The following DLC1 variants were observed in gnomAD, a reference collection of about 807,000 sequenced individuals.
DLC1 encodes the protein rho GTPase-activating protein 7.
DLC1 carries 54 observed loss-of-function variants against 140.3 expected under a neutral mutation model. The observed-to-expected ratio is 0.38, with a 90% confidence interval of 0.31 to 0.48. The LOEUF (loss-of-function observed/expected upper bound fraction) is 0.48, where lower values mean the gene tolerates loss of function less well. DLC1 is among the 20% of genes least tolerant of loss of function. DLC1 has a pLI of 0.96. For synonymous variants in DLC1, 986 were observed against 728.1 expected (o/e 1.35, Z -5.70); for missense variants, 2,536 against 1,907.0 (o/e 1.33, Z -6.14).
At chr8:13,133,008 C>T (rs972424601) in intron 5 of DLC1, 10 of 1,606,526 alleles carry the variant, frequency 6.2e-6, no homozygotes, top group South Asian at 2.2e-5. Context: ...GGCGGAAGCG[C>T]TGTGGGGAAG....
intron 5 of DLC1, among the ~76,000 whole-genome samples, chr8:13,134,950 C>G (rs1822439246): frequency 6.6e-6 from 1 of 152,078 alleles, no homozygotes; most frequent in South Asian, 2.1e-4. Flanking sequence ...AGGCTACAGC[C>G]TGGTGGGAGG....
In DLC1 at chr8:13,298,087, A is replaced by T. The variant is rs564846142; in HGVS notation, c.1348+7182T>A. Among the ~76,000 whole-genome samples the T allele has an allele frequency of 2.0e-5, 3 of 152,324 alleles. No homozygotes were observed. In the South Asian group the frequency reaches 6.2e-4, roughly 32 times the overall value. On this transcript the variant is annotated intron_variant, in intron 5 of 17. Coordinates refer to ENST00000276297, the MANE Select transcript of DLC1 (RefSeq NM_182643.3). ...CTATTTTCTGTCTTATGACCACAAC[A>T]CAAAGTTTGGAGAGACCGTGACTCT...
chr8:13,374,744 T>C (rs144425714), intron 4 of DLC1, among the ~76,000 whole-genome samples: 2 of 152,288 alleles, frequency 1.3e-5, no homozygotes, highest in East Asian at 3.9e-4. Context: ...GTAGTGCCAT[T>C]GCACTCCAGT....
At chr8:13,186,052 C>T (rs1826352569) in intron 5 of DLC1, among the ~76,000 whole-genome samples, 2 of 152,138 alleles carry the variant, frequency 1.3e-5, no homozygotes, top group Admixed American at 1.3e-4. Flanking sequence ...TGTGGGCAAC[C>T]CGACCTTTCT....
intron 5 of DLC1, among the ~76,000 whole-genome samples, chr8:13,205,231 G>T (rs569994897): frequency 1.3e-5 from 2 of 152,170 alleles, no homozygotes; most frequent in East Asian, 3.8e-4. Flanking sequence ...CTAAGGCAGG[G>T]CTTCTGAAAA....
chr8:13,419,230 G>T (rs1470692713), intron 2 of DLC1, among the ~76,000 whole-genome samples: 1 of 151,802 alleles, frequency 6.6e-6, no homozygotes, highest in East Asian at 1.9e-4. Flanking sequence ...TAATTGCCCT[G>T]GCCAGAACTT....
chr8:13,212,535 G>A (rs1426009491), intron 5 of DLC1, among the ~76,000 whole-genome samples: 1 of 151,944 alleles, frequency 6.6e-6, no homozygotes, highest in Admixed American at 6.6e-5. Context: ...TACGGTTTTG[G>A]TATTGCTCTG....
chr8:13,252,941 C>T (rs775323024), intron 5 of DLC1, among the ~76,000 whole-genome samples: 11 of 152,152 alleles, frequency 7.2e-5, no homozygotes, highest in Non-Finnish European at 1.5e-4. Context: ...GAAAGCTAAT[C>T]CTACCCTTCT....
chr8:13,291,404 A>G (rs1295950044), intron 5 of DLC1, among the ~76,000 whole-genome samples: 2 of 152,204 alleles, frequency 1.3e-5, no homozygotes, highest in Non-Finnish European at 2.9e-5. Context: ...CTAATATGTA[A>G]ATTTATTTCT....
chr8:13,380,862 T>C (rs1476879057), intron 4 of DLC1, among the ~76,000 whole-genome samples: 1 of 152,138 alleles, frequency 6.6e-6, no homozygotes, highest in African/African-American at 2.4e-5. Context: ...TTCTTGGAGG[T>C]TATAATAGGA....
intron 5 of DLC1, among the ~76,000 whole-genome samples, chr8:13,147,808 T>A (rs1823542107): frequency 6.6e-6 from 1 of 152,074 alleles, no homozygotes; most frequent in Middle Eastern, 3.4e-3. Context: ...GCCAACATGG[T>A]GAAACCCCGT....
intron 2 of DLC1, among the ~76,000 whole-genome samples, chr8:13,472,655 C>A (rs1226791967): frequency 6.6e-6 from 1 of 152,136 alleles, no homozygotes; most frequent in Non-Finnish European, 1.5e-5. Context: ...GCAGGGAATG[C>A]TAGTGTCTTA....
intron 5 of DLC1, among the ~76,000 whole-genome samples, chr8:13,286,258 G>A (rs1048066355): frequency 2.6e-5 from 4 of 152,112 alleles, no homozygotes; most frequent in African/African-American, 9.7e-5. Flanking sequence ...ACTTCACAGG[G>A]AGGTGGAGAG....
At chr8:13,550,918 A>T (rs1204761828) in intron 1 of DLC1, among the ~76,000 whole-genome samples, 2 of 152,098 alleles carry the variant, frequency 1.3e-5, no homozygotes, top group African/African-American at 4.8e-5. Flanking sequence ...CAAATAGCCT[A>T]GAAATCAATG....
intron 7 of DLC1, among the ~76,000 whole-genome samples, chr8:13,105,780 T>C (rs1444174634): frequency 6.6e-6 from 1 of 152,074 alleles, no homozygotes; most frequent in Non-Finnish European, 1.5e-5. Flanking sequence ...GGGTTTGCCA[T>C]GTTGCCCGGC....
chr8:13,288,694 A>G (rs895554209), intron 5 of DLC1, among the ~76,000 whole-genome samples: 2 of 152,192 alleles, frequency 1.3e-5, no homozygotes, highest in Non-Finnish European at 2.9e-5. Context: ...TCCTGAGACA[A>G]CTCAACAGGA....
intron 1 of DLC1, among the ~76,000 whole-genome samples, chr8:13,523,553 C>A (rs932384324): frequency 6.6e-6 from 1 of 151,988 alleles, no homozygotes; most frequent in Non-Finnish European, 1.5e-5. Context: ...GAATCTCAAA[C>A]GTATTTGCAA....
intron 5 of DLC1, among the ~76,000 whole-genome samples, chr8:13,176,406 G>A (rs760400229): frequency 1.4e-4 from 22 of 152,050 alleles, no homozygotes; most frequent in African/African-American, 3.9e-4. Flanking sequence ...GTGAAACCCC[G>A]TCTCTATTAA....
chr8:13,534,432 C>G lies in DLC1; in HGVS notation c.-125-34236G>C, dbSNP rs143229823. ...TCAGAACATTGTAATTTGGGTTTTT[C>G]AAGTTATATCAATTTGAGGGATAAA... On this transcript the variant is annotated intron_variant, in intron 1 of 1. Coordinates refer to the DLC1 transcript ENST00000631382. Among the ~76,000 whole-genome samples the G allele has an allele frequency of 5.6e-4, 86 of 152,248 alleles. 1 individual carries two copies. In the East Asian group the frequency reaches 0.014, roughly 24 times the overall value.
Sources: gnomAD v4.1 joint callset for allele counts (sites outside exome capture counted in the v4.1 genomes callset) on GRCh38, gnomAD v4.1.1 for gene constraint, MANE v1.5 for transcripts, NCBI Gene and HGNC (gene_info 2026-07-23, HGNC 2026-07-21) for gene names.